ERBIN: variants seen among roughly 807,000 people sequenced by gnomAD.
ERBIN encodes the protein erbb2 interacting protein.
ERBIN carries 60 observed loss-of-function variants against 158.4 expected under a neutral mutation model. That is an observed-to-expected ratio of 0.38 (90% CI 0.31 to 0.47). The LOEUF (loss-of-function observed/expected upper bound fraction) is 0.47, where lower values mean the gene tolerates loss of function less well. Ranked by LOEUF, ERBIN falls within the 20% of genes least tolerant of loss-of-function variation. The pLI, the probability that ERBIN is intolerant of heterozygous loss-of-function variation, is 0.99. For missense variants in ERBIN, 1,610 were observed against 1,648.0 expected (o/e 0.98, Z 0.40); for synonymous variants, 594 against 557.2 (o/e 1.07, Z -0.93).
In ERBIN at chr5:66,076,880, A is replaced by G; in HGVS notation, c.4062A>G (p.Ile1354Met). The change falls in exon 25 of 26, where the codon ATA (isoleucine) becomes ATG (methionine). Residue 1354 changes from isoleucine (I) to methionine (M), a missense_variant. Physicochemically the swap from Ile to Met is conservative, Grantham distance 10 (BLOSUM62 1). Coordinates refer to ENST00000284037, the MANE Select transcript of ERBIN (RefSeq NM_001253697.2). Reference sequence around the variant, plus strand: ...AATTTTTTTTGTTGTTAAAGGGTATATTTGTAACAAGGGTACAACCTGAAG... The same window carrying G: ...AATTTTTTTTGTTGTTAAAGGGTATGTTTGTAACAAGGGTACAACCTGAAG... Reference protein sequence around the residue: ...GNPFRPDDDGIFVTRVQPEGP... With the variant: ...GNPFRPDDDGMFVTRVQPEGP... 6.2e-7 allele frequency: 1 copy of G among 1,606,568 alleles called. No individual in the cohort carries two copies. Among genetic ancestry groups the G allele is most frequent in the Non-Finnish European group, 8.5e-7 (1 of 1,175,134 alleles).
chr5:65,943,869 C>T (rs1211119835), intron 1 of ERBIN, among the ~76,000 whole-genome samples: 5 of 152,188 alleles, frequency 3.3e-5, no homozygotes, highest in African/African-American at 1.2e-4. Context: ...GCCTCCTAGC[C>T]GCTGGCAGCT....
rs1044893284 is a variant in ERBIN, at chr5:66,077,773, CACACACACACACACACACACAT to C, written c.4132-634_4132-613del. ...CTCCCTCCCTCTACACACACACACACACACACACACACACACACACATACACACACACACACAGTCACACTCA... is the reference window on the plus strand; with the variant it reads ...CTCCCTCCCTCTACACACACACACACACACACACACACACAGTCACACTCA... On this transcript the variant is annotated intron_variant, in intron 25 of 25. Transcript: ENST00000284037. Among the ~76,000 whole-genome samples the C allele has an allele frequency of 2.7e-4, 35 of 129,002 alleles. 1 individual carries two copies. Among genetic ancestry groups the C allele is most frequent in the East Asian group, 2.5e-3 (13 of 5,116 alleles). The allele number at this position is 129,002 out of a possible 152,430, so 84.6% of individuals were successfully genotyped here. A position where few individuals can be genotyped will look rare whatever the true frequency, so the allele number is the denominator to read the frequency against.
In ERBIN at chr5:65,992,705, T is replaced by C. The variant is rs753413080; in HGVS notation, c.-9-5T>C. On this transcript the variant is annotated splice_region_variant and splice_polypyrimidine_tract_variant and intron_variant, in intron 2 of 25. Coordinates refer to ENST00000284037, the MANE Select transcript of ERBIN (RefSeq NM_001253697.2). ...TTTAAATTTCTTTTTATTCGAATAT[T>C]GCAGTGTCTAAAAATGACTACAAAA... The C allele has an allele frequency of 1.1e-5, 18 of 1,568,458 alleles. No homozygotes were observed. In the East Asian group the frequency reaches 3.6e-4, roughly 32 times the overall value.
At chr5:65,957,541 A>AT (rs1178879938) in intron 1 of ERBIN, among the ~76,000 whole-genome samples, 1 of 151,884 alleles carries the variant, frequency 6.6e-6, no homozygotes, top group African/African-American at 2.4e-5. Flanking sequence ...GGGTAAGGTC[A>AT]TAGATCAACA....
Position 66,038,494 on chromosome 5 carries a change from A to T in ERBIN, c.1306+12A>T, listed in dbSNP as rs1410598928. ...AAGGACTGAGGATGGTAGGAATTTC[A>T]TAATCGATTTTCTTGTTAAAAACAA... is the stretch of plus-strand genomic sequence containing the variant. On this transcript the variant is annotated intron_variant, in intron 15 of 25. Transcript: ENST00000284037. 4 of 1,566,274 alleles carry T rather than the reference A, an allele frequency of 2.6e-6. No individual in the cohort carries two copies. The highest frequency in any genetic ancestry group is 2.7e-5 in the African/African-American group (2 of 72,998).
intron 14 of ERBIN, among the ~76,000 whole-genome samples, chr5:66,029,088 A>G (rs1009237658): frequency 2.6e-5 from 4 of 152,096 alleles, no homozygotes; most frequent in Non-Finnish European, 5.9e-5. Flanking sequence ...CTGATTTGCT[A>G]TTGTGAATTC....
At chr5:66,024,860 T>C (rs1756066494) in intron 10 of ERBIN, among the ~76,000 whole-genome samples, 1 of 152,126 alleles carries the variant, frequency 6.6e-6, no homozygotes, top group African/African-American at 2.4e-5. Flanking sequence ...TTCAATGATA[T>C]GTCAATGGAA....
At chr5:65,993,620 TG>T (rs1264438502) in intron 3 of ERBIN, among the ~76,000 whole-genome samples, 24 of 152,126 alleles carry the variant, frequency 1.6e-4, no homozygotes, top group Non-Finnish European at 3.2e-4. Flanking sequence ...TATATTTAAT[TG>T]TTGGGATCTT....
intron 4 of ERBIN, among the ~76,000 whole-genome samples, chr5:66,005,648 C>T (rs1753505212): frequency 6.6e-6 from 1 of 152,138 alleles, no homozygotes; most frequent in African/African-American, 2.4e-5. Context: ...ATCTGGAAGA[C>T]CCCATCGTCT....
intron 17 of ERBIN, among the ~76,000 whole-genome samples, chr5:66,045,741 AG>A (rs1254195888): frequency 6.6e-6 from 1 of 152,242 alleles, no homozygotes; most frequent in Non-Finnish European, 1.5e-5. Context: ...TTGTCAGCAT[AG>A]CCTTTAAAAA....
chr5:66,069,422 T>A (rs149418419), intron 21 of ERBIN, among the ~76,000 whole-genome samples: 6 of 152,226 alleles, frequency 3.9e-5, no homozygotes, highest in Non-Finnish European at 8.8e-5. Context: ...GAGAATTGAC[T>A]GAGAGAAAGC....
intron 6 of ERBIN, 37 bp downstream of exon 6, chr5:66,013,675 G>A (rs1416482842): frequency 7.3e-7 from 1 of 1,364,438 alleles, no homozygotes; most frequent in Admixed American, 1.7e-5. Context: ...TTTATTATTA[G>A]CTCTTATAAA....
At chr5:66,012,812 A>G (rs946814681) in intron 5 of ERBIN, among the ~76,000 whole-genome samples, 1 of 152,232 alleles carries the variant, frequency 6.6e-6, no homozygotes, top group Non-Finnish European at 1.5e-5. Flanking sequence ...ATCAACAAAA[A>G]ATAGAAGTAA....
intron 4 of ERBIN, among the ~76,000 whole-genome samples, chr5:66,006,983 G>A (rs1394206625): frequency 3.2e-4 from 24 of 74,046 alleles, no homozygotes; most frequent in African/African-American, 7.9e-4. Flanking sequence ...TCAGTGTGGC[G>A]ATTCCTTAGG....
intron 4 of ERBIN, among the ~76,000 whole-genome samples, chr5:65,997,129 AC>A (rs1447031034): frequency 1.3e-5 from 2 of 152,078 alleles, no homozygotes. Context: ...TCTGGGTAGG[AC>A]TTAAGTACAA....
chr5:66,048,978 A>G (rs1332677224), intron 19 of ERBIN, among the ~76,000 whole-genome samples, 197 bp downstream of exon 19: 3 of 151,952 alleles, frequency 2.0e-5, no homozygotes, highest in Non-Finnish European at 4.4e-5. Context: ...CTTTCTCCTC[A>G]TGCAAATTTA....
chr5:65,930,453 G>T (rs970545925), intron 1 of ERBIN, among the ~76,000 whole-genome samples: 1 of 151,784 alleles, frequency 6.6e-6, no homozygotes, highest in East Asian at 1.9e-4. Flanking sequence ...GACTAGAGGC[G>T]CCCGCCACTG....
In ERBIN at chr5:65,994,877, T is replaced by C. The variant is rs993573658; in HGVS notation, c.307+13T>C. The C allele has an allele frequency of 6.6e-7, 1 of 1,526,488 alleles. No individual in the cohort carries two copies. Among genetic ancestry groups the C allele is most frequent in the Non-Finnish European group, 9.0e-7 (1 of 1,115,746 alleles). The allele number at this position is 1,526,488 out of a possible 1,614,324, so 94.6% of individuals were successfully genotyped here. Reference sequence around the variant, plus strand: ...GTCAGCAAGAATGGTAAGGCTTTTTTTGCCCATAATTTTTTGTACTTGGGA... The same window carrying C: ...GTCAGCAAGAATGGTAAGGCTTTTTCTGCCCATAATTTTTTGTACTTGGGA... On this transcript the variant is annotated intron_variant, in intron 4 of 25. Coordinates refer to ENST00000284037, the MANE Select transcript of ERBIN (RefSeq NM_001253697.2).
At chr5:66,066,536 C>A (rs73763082) in intron 21 of ERBIN, among the ~76,000 whole-genome samples, 8,678 of 145,408 alleles carry the variant, frequency 0.06, 865 homozygotes, top group African/African-American at 0.21. Context: ...AAAAAAAAAA[C>A]AAAAAAAACT....
Sources: allele counts gnomAD v4.1 joint callset (sites outside exome capture counted in the v4.1 genomes callset), GRCh38; gene constraint gnomAD v4.1.1; transcripts MANE v1.5; gene names NCBI Gene and HGNC (gene_info 2026-07-23, HGNC 2026-07-21).